CREBRF: variants seen among roughly 807,000 people sequenced by gnomAD.
The protein encoded by CREBRF is CREB3 regulatory factor, also known as UPF0474 protein C5orf41.
A neutral mutation model predicts 66.1 loss-of-function variants in CREBRF; 5 were observed. The observed-to-expected ratio is 0.08, with a 90% confidence interval of 0.04 to 0.16. The LOEUF (loss-of-function observed/expected upper bound fraction) is 0.16. Ranked by LOEUF, CREBRF falls within the 10% of genes least tolerant of loss-of-function variation. The pLI is 1.00. For synonymous variants in CREBRF, 229 were observed against 264.4 expected (o/e 0.87, Z 1.30); for missense variants, 531 against 744.9 (o/e 0.71, Z 3.34).
rs916046198 is a variant in CREBRF at position 173,129,026 on chromosome 5, C to T, written c.1805-4604C>T. On this transcript the variant is annotated intron_variant, in intron 8 of 8. Transcript: ENST00000296953. ...CGATCTCCTGACCTCGTGATCCACC[C>T]GCCTCGGCCTCCCATAGTGCTGGGA... is the stretch of plus-strand genomic sequence containing the variant. Among the ~76,000 whole-genome samples, 48 of 147,770 alleles carry T rather than the reference C, an allele frequency of 3.2e-4. 1 individual carries two copies. Among genetic ancestry groups the T allele is most frequent in the East Asian group, 1.6e-3 (8 of 4,894 alleles).
At position 173,090,757 on chromosome 5, in the gene CREBRF, C is replaced by T; in HGVS notation, c.578C>T (p.Ala193Val). 14 of 1,614,152 alleles carry T rather than the reference C, an allele frequency of 8.7e-6. No homozygotes were observed. The highest frequency in any genetic ancestry group is 1.1e-5 in the Non-Finnish European group (13 of 1,180,024). The change falls in exon 4 of 9, where the codon GCT (alanine) becomes GTT (valine). Residue 193 changes from alanine to valine, a missense_variant. Physicochemically the swap from Ala to Val is moderately conservative, Grantham distance 64 (BLOSUM62 0). This residue lies in a region of CREBRF where 309 missense variants were observed against 341.4 expected (regional missense o/e 0.90). Coordinates refer to ENST00000296953, the MANE Select transcript of CREBRF (RefSeq NM_153607.3). This position sits in a 1 kb window ranked among gnomAD's most constrained non-coding sequence, Gnocchi z 4.5. The stretch of plus-strand genomic sequence containing the variant: ...GTGTGTTCTTCTAAGACTCTGCAGG[C>T]TGAGGTCCCTTTGTCAGACTGTGTC... ...APVCSSKTLQ[A>V]EVPLSDCVQK...
At chr5:173,115,013 C>T (rs566932844) in intron 7 of CREBRF, among the ~76,000 whole-genome samples, 7 of 152,126 alleles carry the variant, frequency 4.6e-5, no homozygotes, top group East Asian at 3.8e-4. Flanking sequence ...CTCCCTGCCC[C>T]GTAATGTGTT....
intron 8 of CREBRF, chr5:173,124,322 CCAAGGCGGGCAGATCACTTGAGGT>C (rs145027460): frequency 0.49 from 73,708 of 151,688 alleles, 19,057 homozygotes; most frequent in Non-Finnish European, 0.58. Context: ...CTTTGGGAGG[CCAAGGCGGGCAGATCACTTGAGGT>C]CAGGAGTTCG....
rs1129146 is a variant in CREBRF, at chr5:173,123,201, C to T, written c.1803C>T (p.Leu601=). 0.076 allele frequency: 121,736 copies of T among 1,594,610 alleles called. 7,534 individuals carry two copies. The highest frequency in any genetic ancestry group is 0.3 in the African/African-American group (21,769 of 73,484). Residue 601 remains leucine, a splice_region_variant and synonymous_variant, in exon 8 of 9, where the codon CTC becomes CTT. Transcript: ENST00000296953. ...TTGAAATCCTCATTAAAGATACTCT[C>T]GGTAAGAAGAATGCGAGATAAATTC... The part of the protein sequence containing the change: ...QKLEILIKDT[L]GLPVAGQTSE...
intron 1 of CREBRF, among the ~76,000 whole-genome samples, chr5:173,060,645 G>A (rs940351927): frequency 6.6e-6 from 1 of 151,914 alleles, no homozygotes; most frequent in Non-Finnish European, 1.5e-5. Flanking sequence ...AGCTCATTTC[G>A]GGATAGGTAA....
In CREBRF at chr5:173,090,602, A is replaced by G. The variant is rs754098904; in HGVS notation, c.423A>G (p.Gln141=). 3.1e-6 allele frequency: 5 copies of G among 1,614,190 alleles called. No individual in the cohort carries two copies. The highest frequency in any genetic ancestry group is 1.1e-5 in the South Asian group (1 of 91,078). ...EVISKTPTLA[Q]LNSEDSQSVS... ...TAAGTAAAACTCCAACTTTAGCTCA[A>G]CTTAATAGTGAGGACTCACAGTCTG... is the stretch of plus-strand genomic sequence containing the variant. Residue 141 remains glutamine, a synonymous_variant, in exon 4 of 9, where the codon CAA becomes CAG. Coordinates refer to ENST00000296953, the MANE Select transcript of CREBRF (RefSeq NM_153607.3). This position sits in a 1 kb window ranked among gnomAD's most constrained non-coding sequence, Gnocchi z 4.5.
At chr5:173,094,150 C>T (rs1337787342) in intron 4 of CREBRF, among the ~76,000 whole-genome samples, 3 of 152,272 alleles carry the variant, frequency 2.0e-5, no homozygotes, top group African/African-American at 4.8e-5. Flanking sequence ...TGGGCATGTG[C>T]GTATAACTCT....
intron 4 of CREBRF, among the ~76,000 whole-genome samples, chr5:173,103,212 A>G (rs1758670642): frequency 6.6e-6 from 1 of 152,148 alleles, no homozygotes; most frequent in African/African-American, 2.4e-5. Flanking sequence ...AATTATCCCA[A>G]ATTTGTGGAT....
chr5:173,095,379 C>T (rs1056472049), intron 4 of CREBRF, among the ~76,000 whole-genome samples: 6 of 151,782 alleles, frequency 4.0e-5, no homozygotes, highest in East Asian at 1.9e-4. Flanking sequence ...TTAGTAGAGA[C>T]GGGGTTTCAC....
chr5:173,076,057 CAAAAAAA>C (rs35215379), intron 1 of CREBRF, among the ~76,000 whole-genome samples: 79 of 92,558 alleles, frequency 8.5e-4, no homozygotes, highest in African/African-American at 2.7e-3. Context: ...CCCATCTCTA[CAAAAAAA>C]AAAAAAAAAA....
intron 2 of CREBRF, among the ~76,000 whole-genome samples, chr5:173,082,020 T>G (rs929776941): frequency 2.2e-5 from 3 of 133,648 alleles, no homozygotes; most frequent in South Asian, 2.8e-4. Context: ...TTTTTTTTTT[T>G]TTTTTTTTTT....
Position 173,135,908 on chromosome 5 carries a change from C to T in CREBRF, c.*2163C>T, listed in dbSNP as rs1211862939. 5 of 152,416 alleles carry T rather than the reference C, an allele frequency of 3.3e-5. No individual in the cohort carries two copies. Among genetic ancestry groups the T allele is most frequent in the African/African-American group, 9.7e-5 (4 of 41,422 alleles). 9.4% of individuals were successfully genotyped at this position (152,416 alleles called of 1,614,324 possible). On this transcript the variant is annotated 3_prime_UTR_variant, in exon 9 of 9. Transcript: ENST00000296953. Reference sequence around the variant, plus strand: ...GAAATGTACCTGGTTTGTACATTCACGCTAAACAGATGATAAGCTCAAGTC... The same window carrying T: ...GAAATGTACCTGGTTTGTACATTCATGCTAAACAGATGATAAGCTCAAGTC...
At chr5:173,061,460 T>G (rs554078186) in intron 1 of CREBRF, among the ~76,000 whole-genome samples, 2 of 152,370 alleles carry the variant, frequency 1.3e-5, no homozygotes, top group East Asian at 3.9e-4. Flanking sequence ...AAAAGCTGTT[T>G]AAAGCAAATA....
intron 2 of CREBRF, chr5:173,085,846 C>T (rs190621668): frequency 2.5e-6 from 2 of 792,042 alleles, no homozygotes; most frequent in Admixed American, 1.7e-5. Flanking sequence ...TGGCAAGTTT[C>T]TCAATAGTAG....
At chr5:173,124,573 A>AG (rs1759218387) in intron 8 of CREBRF, 1 of 148,278 alleles carries the variant, frequency 6.7e-6, no homozygotes, top group Non-Finnish European at 1.5e-5. Flanking sequence ...AAAAAAAAAA[A>AG]AAAAAGAAAA....
rs543364496 is a variant in CREBRF, at chr5:173,056,961, G to C, written c.-192+482G>C. ...GAGGGGCGTGTGAGGAAGGGCCGGG[G>C]CCGCGGAGGTTGGAGCCAGGCTGGC... On this transcript the variant is annotated intron_variant, in intron 1 of 8. Transcript: ENST00000296953. 1.4e-3 allele frequency among the ~76,000 whole-genome samples: 207 copies of C among 152,078 alleles called. 2 individuals carry two copies. Among genetic ancestry groups the C allele is most frequent in the South Asian group, 7.0e-3 (34 of 4,824 alleles).
intron 5 of CREBRF, chr5:173,109,072 C>T (rs1470209368): frequency 2.6e-6 from 1 of 377,618 alleles, no homozygotes; most frequent in African/African-American, 2.1e-5. Context: ...TCTTAATCTA[C>T]CTACCCCATT....
chr5:173,103,087 AC>A, intron 4 of CREBRF, among the ~76,000 whole-genome samples: 1 of 151,972 alleles, frequency 6.6e-6, no homozygotes, highest in Non-Finnish European at 1.5e-5. Flanking sequence ...TCTTCCCTTG[AC>A]CCTTGTAGGA....
chr5:173,065,219 A>T (rs1365377500), intron 1 of CREBRF, among the ~76,000 whole-genome samples: 1 of 152,162 alleles, frequency 6.6e-6, no homozygotes, highest in African/African-American at 2.4e-5. Flanking sequence ...GTTTGAACTT[A>T]GTTTTGAAGA....
Sources: allele counts gnomAD v4.1 joint callset (sites outside exome capture counted in the v4.1 genomes callset), GRCh38; gene constraint gnomAD v4.1.1; regional missense constraint gnomAD v4.1.1; non-coding constraint Gnocchi (gnomAD v3.1); transcripts MANE v1.5; gene names NCBI Gene and HGNC (gene_info 2026-07-23, HGNC 2026-07-21).